OSTF1: variants seen among roughly 807,000 people sequenced by gnomAD.
OSTF1 encodes the protein osteoclast stimulating factor 1, also known as osteoclast-stimulating factor 1.
In OSTF1, 27 loss-of-function variants were observed where a neutral mutation model predicts 37.2. The ratio of observed to expected loss-of-function variants is 0.73; its 90% CI spans 0.54 to 1.00. The LOEUF is 1.00. Among genes scored for constraint, OSTF1 ranks in the 50% least tolerant of loss-of-function variants. OSTF1 has a pLI of 0.00. For missense variants in OSTF1, 232 were observed against 253.8 expected (o/e 0.91, Z 0.58); for synonymous variants, 82 against 89.2 (o/e 0.92, Z 0.46).
chr9:75,146,339 A>G (rs1190963421), intron 9 of OSTF1, among the ~76,000 whole-genome samples: 1 of 152,186 alleles, frequency 6.6e-6, no homozygotes, highest in African/African-American at 2.4e-5. Flanking sequence ...TCAGGCTGTC[A>G]CTGGGAGAGG....
At chr9:75,145,456 C>A (rs1826008784) in intron 9 of OSTF1, among the ~76,000 whole-genome samples, 1 of 152,178 alleles carries the variant, frequency 6.6e-6, no homozygotes, top group Non-Finnish European at 1.5e-5. Flanking sequence ...TGTGATGTGA[C>A]ATCCATTGAT....
chr9:75,098,492 G>A lies in OSTF1; in HGVS notation c.34+9766G>A, dbSNP rs540704425. Among the ~76,000 whole-genome samples, 10 of 152,216 alleles carry A rather than the reference G, an allele frequency of 6.6e-5. No homozygotes were observed. The South Asian group carries it at 2.1e-3, about 32-fold the overall frequency. On this transcript the variant is annotated intron_variant, in intron 1 of 9. Coordinates refer to ENST00000346234, the MANE Select transcript of OSTF1 (RefSeq NM_012383.5). ...GGGGTCTCCCTGCAGGAATATGTCT[G>A]GGGCTTTATATGCACAGATTCCAAG...
intron 1 of OSTF1, among the ~76,000 whole-genome samples, chr9:75,103,579 A>G (rs1162536981): frequency 6.6e-6 from 1 of 152,216 alleles, no homozygotes; most frequent in Non-Finnish European, 1.5e-5. Context: ...AAAGATAAGT[A>G]TATACCCCAG....
intron 1 of OSTF1, among the ~76,000 whole-genome samples, chr9:75,091,242 T>A (rs1824969785): frequency 6.6e-6 from 1 of 151,950 alleles, no homozygotes; most frequent in Non-Finnish European, 1.5e-5. Context: ...CCCGCCACCA[T>A]GCCCGGCTAA....
intron 1 of OSTF1, among the ~76,000 whole-genome samples, chr9:75,117,109 G>A (rs1344375169): frequency 6.6e-6 from 1 of 152,106 alleles, no homozygotes; most frequent in African/African-American, 2.4e-5. Flanking sequence ...ATATTCATGG[G>A]CTACATAGTG....
chr9:75,088,753 C>T, intron 1 of OSTF1, 27 bp downstream of exon 1: 1 of 1,595,020 alleles, frequency 6.3e-7, no homozygotes, highest in Non-Finnish European at 8.5e-7. Context: ...AGGCGCTTGC[C>T]AGGTCCTGCG....
intron 9 of OSTF1, 122 bp downstream of exon 9, chr9:75,141,054 T>C: frequency 1.6e-6 from 1 of 625,692 alleles, no homozygotes; most frequent in Non-Finnish European, 2.7e-6. Context: ...ATCCCAGCAC[T>C]TTGGGAGGCC....
chr9:75,119,689 G>C (rs1029273475), intron 2 of OSTF1, among the ~76,000 whole-genome samples: 1 of 152,140 alleles, frequency 6.6e-6, no homozygotes, highest in Non-Finnish European at 1.5e-5. Flanking sequence ...GTGAGTCGCT[G>C]GGCACGGTGG....
intron 1 of OSTF1, among the ~76,000 whole-genome samples, chr9:75,092,687 T>A (rs1169481820): frequency 6.6e-6 from 1 of 152,208 alleles, no homozygotes; most frequent in Non-Finnish European, 1.5e-5. Flanking sequence ...TGAATATTCT[T>A]TCAGGTTTCT....
At position 75,088,708 on chromosome 9, in the gene OSTF1, C is replaced by T; in HGVS notation, c.16C>T (p.Pro6Ser). Residue 6 changes from proline to serine, a missense_variant, in exon 1 of 10, where the codon CCC (proline) becomes TCC (serine). Pro to Ser is a moderately conservative substitution (Grantham distance 74, BLOSUM62 -1). Transcript: ENST00000346234. MSKPP[P>S]KPVKPGQVKV... ...AGGAAGCGAGATGTCGAAGCCGCCA[C>T]CCAAACCAGTCAAACCAGGTGAGGG... 2 of 1,609,552 alleles carry T rather than the reference C, an allele frequency of 1.2e-6. No homozygotes were observed. Among genetic ancestry groups the T allele is most frequent in the Non-Finnish European group, 1.7e-6 (2 of 1,177,752 alleles).
intron 3 of OSTF1, among the ~76,000 whole-genome samples, chr9:75,128,389 T>TTTTTGTCC (rs1221073344): frequency 3.1e-5 from 3 of 98,194 alleles, no homozygotes; most frequent in African/African-American, 8.3e-5. Flanking sequence ...TATATATATA[T>TTTTTGTCC]ATATATATAT....
intron 1 of OSTF1, among the ~76,000 whole-genome samples, chr9:75,108,876 A>G (rs1338548182): frequency 6.6e-6 from 1 of 152,112 alleles, no homozygotes. Flanking sequence ...GTTTAGTTTT[A>G]CAGAAGTCCC....
intron 9 of OSTF1, among the ~76,000 whole-genome samples, chr9:75,143,182 C>G (rs1273955149): frequency 6.6e-6 from 1 of 152,126 alleles, no homozygotes; most frequent in Non-Finnish European, 1.5e-5. Context: ...CTCAAGCGAT[C>G]TGCCTGCCTT....
rs750386018 is a variant in OSTF1, at chr9:75,092,820, G to A, written c.34+4094G>A. ...GGCATATGTTTCCAAAAGGCTATAC[G>A]GTATTGCCTGCATTCTGCTTGAAAA... On this transcript the variant is annotated intron_variant, in intron 1 of 9. Transcript: ENST00000346234. Among the ~76,000 whole-genome samples, 10 of 151,918 alleles carry A rather than the reference G, an allele frequency of 6.6e-5. 1 individual carries two copies. The highest frequency in any genetic ancestry group is 6.2e-4 in the South Asian group (3 of 4,820).
Position 75,146,727 on chromosome 9 carries a change from G to A in OSTF1, c.631G>A (p.Glu211Lys). The A allele has an allele frequency of 1.2e-6, 2 of 1,607,276 alleles. No individual in the cohort carries two copies. The highest frequency in any genetic ancestry group is 1.7e-6 in the Non-Finnish European group (2 of 1,175,364). The change falls in exon 10 of 10, where the codon GAA becomes AAA. Residue 211 changes from glutamate (E) to lysine (K), a missense_variant. By Grantham distance (56) the Glu-to-Lys change is moderately conservative. Transcript: ENST00000346234. ...CAATGCCGAGGACTATCTCGATGAT[G>A]AAGACTCAGATTAATTCCTTTCTGG... Reference protein sequence around the residue: ...LSNAEDYLDDEDSD With the variant: ...LSNAEDYLDDKDSD
intron 9 of OSTF1, among the ~76,000 whole-genome samples, chr9:75,146,198 T>A (rs942820567): frequency 8.5e-5 from 13 of 152,226 alleles, no homozygotes; most frequent in Non-Finnish European, 1.3e-4. Context: ...TTCCCCCCCA[T>A]TTCAGCCTTT....
Position 75,140,804 on chromosome 9 carries a change from C to T in OSTF1, c.488-30C>T, listed in dbSNP as rs185468921. 1.0e-4 allele frequency: 151 copies of T among 1,515,734 alleles called. 1 individual carries two copies. The African/African-American group carries it at 1.7e-3, about 17-fold the overall frequency. The allele number at this position is 1,515,734 out of a possible 1,614,324, so 93.9% of individuals were successfully genotyped here. Reference sequence around the variant, plus strand: ...GCTACTACTATATAGTCTTCAAAGACACCTAATTGACTTTTCTTGTGTTGG... The same window carrying T: ...GCTACTACTATATAGTCTTCAAAGATACCTAATTGACTTTTCTTGTGTTGG... On this transcript the variant is annotated intron_variant, in intron 8 of 9. Transcript: ENST00000346234.
chr9:75,117,499 T>C lies in OSTF1; in HGVS notation c.35-5T>C, dbSNP rs1347440601. ...TTCAGTTGTTGTTTTTTCTTCCTTT[T>C]TTAGGGCAAGTTAAAGTCTTCAGAG... On this transcript the variant is annotated splice_polypyrimidine_tract_variant and splice_region_variant and intron_variant, in intron 1 of 9. Coordinates refer to ENST00000346234, the MANE Select transcript of OSTF1 (RefSeq NM_012383.5). The C allele has an allele frequency of 3.1e-6, 5 of 1,608,748 alleles. No homozygotes were observed. The South Asian group carries it at 4.4e-5, about 14-fold the overall frequency.
At chr9:75,138,963 T>C (rs1001911388) in intron 8 of OSTF1, among the ~76,000 whole-genome samples, 1 of 151,974 alleles carries the variant, frequency 6.6e-6, no homozygotes, top group African/African-American at 2.4e-5. Context: ...ATCATTATAT[T>C]ACTAATTAAA....
Sources: gnomAD v4.1 joint callset for allele counts (sites outside exome capture counted in the v4.1 genomes callset) on GRCh38, gnomAD v4.1.1 for gene constraint, MANE v1.5 for transcripts, NCBI Gene and HGNC (gene_info 2026-07-23, HGNC 2026-07-21) for gene names.